Variants in RAB3GAP2 observed in about 807,000 individuals in gnomAD.
RAB3GAP2 encodes rab3 GTPase-activating protein non-catalytic subunit.
A neutral mutation model predicts 185.3 loss-of-function variants in RAB3GAP2; 87 were observed. The observed-to-expected ratio is 0.47, with a 90% CI of 0.39 to 0.56. The LOEUF (loss-of-function observed/expected upper bound fraction) is 0.56. RAB3GAP2 is among the 20% of genes least tolerant of loss of function. The pLI is 0.00. For synonymous variants in RAB3GAP2, 554 were observed against 576.1 expected, an observed-to-expected ratio of 0.96 and a Z score of 0.55; for missense variants, 1,492 against 1,638.2, an observed-to-expected ratio of 0.91 and a Z score of 1.54.
At position 220,239,224 on chromosome 1, in the gene RAB3GAP2, C is replaced by G. The variant is rs575009253; in HGVS notation, c.116-6361G>C. 5.5e-4 allele frequency among the ~76,000 whole-genome samples: 83 copies of G among 151,434 alleles called. 2 individuals are homozygous for G. The South Asian group carries it at 0.017, about 31-fold the overall frequency. ...GATCCAAACCATCTTTTTCAAACAA[C>G]TTTTTTTTTGTGGGGCTCAGGGGAG... is the stretch of plus-strand genomic sequence containing the variant. On this transcript the variant is annotated intron_variant, in intron 1 of 34. Transcript: ENST00000358951.
At chr1:220,181,045 T>C (rs1219182697) in intron 21 of RAB3GAP2, among the ~76,000 whole-genome samples, 1 of 152,218 alleles carries the variant, frequency 6.6e-6, no homozygotes, top group African/African-American at 2.4e-5. Flanking sequence ...ACATTTACAT[T>C]GCAGAAAGTA....
chr1:220,167,711 A>T (rs749798859), intron 24 of RAB3GAP2, 36 bp from the exon 25 acceptor site: 2 of 1,600,974 alleles, frequency 1.2e-6, no homozygotes, highest in Non-Finnish European at 1.7e-6. Context: ...ATAAAAATTT[A>T]CAACACACAG....
chr1:220,246,107 T>C (rs1262237682), intron 1 of RAB3GAP2, among the ~76,000 whole-genome samples: 1 of 151,942 alleles, frequency 6.6e-6, no homozygotes, highest in Non-Finnish European at 1.5e-5. Flanking sequence ...CATCAAAAAG[T>C]GGGCGAAGGA....
At chr1:220,252,573 G>A (rs1164037693) in intron 1 of RAB3GAP2, among the ~76,000 whole-genome samples, 4 of 152,232 alleles carry the variant, frequency 2.6e-5, no homozygotes, top group African/African-American at 9.6e-5. Context: ...TGGAGGGGGC[G>A]ACGGCCCACC....
chr1:220,226,100 A>G (rs75820307), intron 2 of RAB3GAP2, among the ~76,000 whole-genome samples: 10,496 of 152,244 alleles, frequency 0.069, 481 homozygotes, highest in South Asian at 0.12. Flanking sequence ...GAAATTTTCC[A>G]TGCTGCCTAC....
chr1:220,155,172 T>C (rs1657836379), intron 31 of RAB3GAP2, among the ~76,000 whole-genome samples: 1 of 152,266 alleles, frequency 6.6e-6, no homozygotes, highest in Non-Finnish European at 1.5e-5. Flanking sequence ...GCAAAGAACA[T>C]TGGCCTTTAA....
At chr1:220,153,771 GC>G in intron 32 of RAB3GAP2, 196 bp downstream of exon 32, 1 of 599,940 alleles carries the variant, frequency 1.7e-6, no homozygotes, top group Non-Finnish European at 2.7e-6. Flanking sequence ...CCCACGACAG[GC>G]CCTGGTGTGT....
In RAB3GAP2 at chr1:220,210,497, G is replaced by A. The variant is rs1211376737; in HGVS notation, c.511-8C>T. ...AAGCAAGAGCACACCATTCTAGGAGGAAGCACAGAGAAGGGCCCTGCTTGT... is the reference window on the plus strand; with the variant it reads ...AAGCAAGAGCACACCATTCTAGGAGAAAGCACAGAGAAGGGCCCTGCTTGT... On this transcript the variant is annotated splice_region_variant and splice_polypyrimidine_tract_variant and intron_variant, in intron 6 of 34. Transcript: ENST00000358951. 2.5e-6 allele frequency: 4 copies of A among 1,594,756 alleles called. No individual in the cohort carries two copies. Among genetic ancestry groups the A allele is most frequent in the Admixed American group, 1.7e-5 (1 of 59,982 alleles).
At chr1:220,258,612 AAACCCACAGCC>A (rs1423897213) in intron 1 of RAB3GAP2, among the ~76,000 whole-genome samples, 3 of 152,232 alleles carry the variant, frequency 2.0e-5, no homozygotes, top group Non-Finnish European at 4.4e-5. Context: ...CTTGTATGAC[AAACCCACAGCC>A]AATATCATAC....
intron 26 of RAB3GAP2, among the ~76,000 whole-genome samples, chr1:220,166,451 C>CT (rs1199202169): frequency 1.3e-5 from 2 of 152,166 alleles, no homozygotes; most frequent in Non-Finnish European, 2.9e-5. Context: ...GGAATATTTA[C>CT]AATATGTTTT....
rs554483589 is a variant in RAB3GAP2, at chr1:220,254,108, A to T, written c.115+18115T>A. ...TGGGACTTAATTACCAGGCAAAAAC[A>T]GCTCTTTTATCTTCCTGCCAAGAAG... On this transcript the variant is annotated intron_variant, in intron 1 of 34. Coordinates refer to ENST00000358951, the MANE Select transcript of RAB3GAP2 (RefSeq NM_012414.4). The T allele has an allele frequency of 2.5e-6, 4 of 1,613,980 alleles. No homozygotes were observed. The South Asian group carries it at 4.4e-5, about 18-fold the overall frequency.
rs775857209 is a variant in RAB3GAP2, at chr1:220,210,839, C to T, written c.472G>A (p.Val158Met). 3.1e-6 allele frequency: 5 copies of T among 1,613,762 alleles called. No homozygotes were observed. The South Asian group carries it at 3.3e-5, about 11-fold the overall frequency. Residue 158 changes from valine (V) to methionine (M), a missense_variant, in exon 6 of 35, where the codon GTG becomes ATG. By Grantham distance (21) the Val-to-Met change is conservative. Transcript: ENST00000358951. ...TGRPDWTCIV[V>M]GFTSGYVRFY... ...CGTACATAACCTGAAGTAAAACCCA[C>T]CACAATGCAGGTCCAGTCAGGACGC...
At chr1:220,200,710 A>G (rs1027765873) in intron 9 of RAB3GAP2, 2 of 499,634 alleles carry the variant, frequency 4.0e-6, no homozygotes, top group African/African-American at 3.9e-5. Flanking sequence ...AAAAAAGTAG[A>G]CACACTGAAA....
At chr1:220,240,593 T>C (rs764103386) in intron 1 of RAB3GAP2, among the ~76,000 whole-genome samples, 1 of 152,134 alleles carries the variant, frequency 6.6e-6, no homozygotes, top group Non-Finnish European at 1.5e-5. Flanking sequence ...CTCTGGTTTA[T>C]ACCACATCTT....
intron 13 of RAB3GAP2, among the ~76,000 whole-genome samples, chr1:220,192,697 T>C (rs1054293381): frequency 6.6e-6 from 1 of 152,130 alleles, no homozygotes; most frequent in East Asian, 1.9e-4. Context: ...TATGAGAACC[T>C]TGAGTGGGGA....
chr1:220,233,071 T>C (rs1243556224), intron 1 of RAB3GAP2, among the ~76,000 whole-genome samples: 1 of 152,230 alleles, frequency 6.6e-6, no homozygotes, highest in East Asian at 1.9e-4. Context: ...ATTTATATAT[T>C]AGCAAAATTG....
intron 9 of RAB3GAP2, among the ~76,000 whole-genome samples, chr1:220,201,122 A>G (rs1318824176): frequency 1.3e-5 from 2 of 152,106 alleles, no homozygotes; most frequent in Non-Finnish European, 2.9e-5. Flanking sequence ...ATGTCTTTAC[A>G]TCTCTATACC....
chr1:220,153,928 T>C (rs1017455183), intron 32 of RAB3GAP2, 40 bp downstream of exon 32: 2 of 1,608,528 alleles, frequency 1.2e-6, no homozygotes, highest in African/African-American at 1.3e-5. Context: ...ATGTTTTTTT[T>C]TCCAAGAAAC....
chr1:220,157,540 T>G, intron 30 of RAB3GAP2, 52 bp from the exon 31 acceptor site: 4 of 1,554,392 alleles, frequency 2.6e-6, no homozygotes, highest in Non-Finnish European at 2.7e-6. Flanking sequence ...AAATAATAGC[T>G]TACAAATATC....
Sources: allele counts gnomAD v4.1 joint callset (sites outside exome capture counted in the v4.1 genomes callset), GRCh38; gene constraint gnomAD v4.1.1; transcripts MANE v1.5; gene names NCBI Gene and HGNC (gene_info 2026-07-23, HGNC 2026-07-21).